The following ADAMTS9 variants were observed in gnomAD, a reference collection of about 807,000 sequenced individuals.
ADAMTS9 encodes A disintegrin and metalloproteinase with thrombospondin motifs 9.
In ADAMTS9, 107 loss-of-function variants were observed where a neutral mutation model predicts 257.1. The ratio of observed to expected loss-of-function variants is 0.42; its 90% CI spans 0.36 to 0.49. ADAMTS9 has a LOEUF of 0.49. Among genes scored for constraint, ADAMTS9 ranks in the 20% least tolerant of loss-of-function variants. ADAMTS9 has a pLI of 0.03. For missense variants in ADAMTS9, 2,353 were observed against 2,469.1 expected (o/e 0.95, Z 1.00); for synonymous variants, 982 against 880.9 (o/e 1.11, Z -2.03).
intron 29 of ADAMTS9, chr3:64,563,141 G>A (rs2083457069): frequency 6.6e-6 from 1 of 152,164 alleles, no homozygotes. Context: ...GTAATGGGAG[G>A]ATTCCTGAAC....
chr3:64,646,805 C>T (rs1700804083), intron 11 of ADAMTS9, among the ~76,000 whole-genome samples: 1 of 152,162 alleles, frequency 6.6e-6, no homozygotes, highest in African/African-American at 2.4e-5. Context: ...AGGGCCACTC[C>T]AGTAGGCCCT....
At chr3:64,551,923 G>A (rs1462027728) in intron 30 of ADAMTS9, among the ~76,000 whole-genome samples, 3 of 152,158 alleles carry the variant, frequency 2.0e-5, no homozygotes, top group South Asian at 4.1e-4. Flanking sequence ...TTCTCCAGGG[G>A]AACTGCTCTC....
intron 3 of ADAMTS9, among the ~76,000 whole-genome samples, chr3:64,669,494 T>A (rs1453035895): frequency 6.6e-6 from 1 of 152,174 alleles, no homozygotes; most frequent in Non-Finnish European, 1.5e-5. Context: ...TGGGCCTTGA[T>A]CCTCTTATCC....
chr3:64,657,211 T>C (rs893057545), intron 4 of ADAMTS9, among the ~76,000 whole-genome samples: 9 of 152,216 alleles, frequency 5.9e-5, no homozygotes, highest in Non-Finnish European at 1.2e-4. Context: ...AATTGAGGTA[T>C]GCTGAGAGTG....
At chr3:64,666,521 C>T (rs1428617528) in intron 3 of ADAMTS9, among the ~76,000 whole-genome samples, 1 of 152,102 alleles carries the variant, frequency 6.6e-6, no homozygotes, top group Non-Finnish European at 1.5e-5. Context: ...TGTGGTGTTC[C>T]ACTTGGATTC....
chr3:64,566,689 T>C (rs142730281), intron 29 of ADAMTS9, among the ~76,000 whole-genome samples: 4 of 152,264 alleles, frequency 2.6e-5, no homozygotes, highest in Middle Eastern at 3.4e-3. Flanking sequence ...ATGAGCATCA[T>C]TTATATGCTC....
intron 31 of ADAMTS9, among the ~76,000 whole-genome samples, chr3:64,549,482 C>T (rs1559758474): frequency 6.6e-6 from 1 of 152,156 alleles, no homozygotes; most frequent in Non-Finnish European, 1.5e-5. Flanking sequence ...CTATTCTGAA[C>T]ACTCATTTGG....
chr3:64,602,266 A>C (rs936530256), intron 25 of ADAMTS9, 53 bp from the exon 26 acceptor site: 32 of 1,584,576 alleles, frequency 2.0e-5, no homozygotes, highest in Middle Eastern at 2.2e-4. Context: ...GGAGGGGTTG[A>C]CAATTCCTGA....
intron 37 of ADAMTS9, among the ~76,000 whole-genome samples, chr3:64,534,011 A>T (rs1290131553): frequency 6.6e-6 from 1 of 152,150 alleles, no homozygotes; most frequent in African/African-American, 2.4e-5. Flanking sequence ...CTCTTTCAAA[A>T]ATGACTCGCA....
At chr3:64,561,448 C>A in intron 30 of ADAMTS9, 130 bp downstream of exon 30, 1 of 1,048,152 alleles carries the variant, frequency 9.5e-7, no homozygotes, top group Non-Finnish European at 1.3e-6. Context: ...TGACAGTGAA[C>A]CTTTTGGGAA....
chr3:64,669,779 T>G (rs754139320), intron 3 of ADAMTS9, among the ~76,000 whole-genome samples: 11 of 152,218 alleles, frequency 7.2e-5, no homozygotes, highest in Non-Finnish European at 1.5e-4. Context: ...TTTGCTGATG[T>G]TAAATTATAT....
intron 12 of ADAMTS9, among the ~76,000 whole-genome samples, chr3:64,637,673 CA>C (rs1450747362): frequency 3.9e-5 from 6 of 152,276 alleles, no homozygotes; most frequent in Non-Finnish European, 4.4e-5. Flanking sequence ...AGGGTTGGCA[CA>C]AGACATTTCT....
rs1412820623 is a variant in ADAMTS9, at chr3:64,541,904, G to T, written c.5131C>A (p.Pro1711Thr). Residue 1711 changes from proline to threonine, a missense_variant, in exon 33 of 40, where the codon CCC becomes ACC. By Grantham distance (38) the Pro-to-Thr change is conservative. Coordinates refer to ENST00000498707, the MANE Select transcript of ADAMTS9 (RefSeq NM_182920.2). ...AGATCAGTGTGGCATAAGTGGCTGG[G>T]TTGGTCCTCATTGGTTAAACATTGC... ...SVQCLTNEDQ[P>T]SHLCHTDLKP... 1 of 1,614,144 alleles carries T rather than the reference G, an allele frequency of 6.2e-7. No homozygotes were observed. Among genetic ancestry groups the T allele is most frequent in the Admixed American group, 1.7e-5 (1 of 60,034 alleles).
In ADAMTS9 at chr3:64,659,698, G is replaced by C. The variant is rs186811901; in HGVS notation, c.680-907C>G. Among the ~76,000 whole-genome samples the C allele has an allele frequency of 2.3e-3, 344 of 152,146 alleles. 4 individuals carry two copies. The highest frequency in any genetic ancestry group is 7.1e-3 in the Admixed American group (108 of 15,280). ...CTGAATTTTTAATTAACTTACTCCA[G>C]GGCTCAGTTAAGGAAATAAATTAAA... is the stretch of plus-strand genomic sequence containing the variant. On this transcript the variant is annotated intron_variant, in intron 3 of 39. Transcript: ENST00000498707.
chr3:64,586,682 A>G (rs990094009), intron 28 of ADAMTS9: 2 of 152,140 alleles, frequency 1.3e-5, no homozygotes, highest in Non-Finnish European at 2.9e-5. Flanking sequence ...TAGAGTAAAA[A>G]TGTAAATGAA....
At position 64,633,565 on chromosome 3, in the gene ADAMTS9, C is replaced by G. The variant is rs1700424213; in HGVS notation, c.2082G>C (p.Gly694=). 1 of 1,614,038 alleles carries G rather than the reference C, an allele frequency of 6.2e-7. No homozygotes were observed. The highest frequency in any genetic ancestry group is 8.5e-7 in the Non-Finnish European group (1 of 1,179,998). The change falls in exon 14 of 40, where the codon GGG becomes GGC. Residue 694 remains glycine, a synonymous_variant. Transcript: ENST00000498707. ...DRCKLFCRVA[G]NTAYYQLRDR... is the part of the protein sequence containing the mutation. ...CTCGAAGCTGATAGTAGGCTGTGTT[C>G]CCTGCCACTCTGCAGAACAACTTGC... is the stretch of plus-strand genomic sequence containing the variant.
At position 64,533,480 on chromosome 3, in the gene ADAMTS9, C is replaced by T. The variant is rs11717554; in HGVS notation, c.5614-210G>A. Among the ~76,000 whole-genome samples the T allele has an allele frequency of 0.65, 98,922 of 152,058 alleles. 36,405 individuals carry two copies. Among genetic ancestry groups the T allele is most frequent in the Non-Finnish European group, 0.85 (57,782 of 67,996 alleles). On this transcript the variant is annotated intron_variant, in intron 37 of 39. Coordinates refer to ENST00000498707, the MANE Select transcript of ADAMTS9 (RefSeq NM_182920.2). Reference sequence around the variant, plus strand: ...GTTAGTCATCCTCGAAAGAGCTCTACGAAGGAGGTTTTCTTTACAGATAGG... The same window carrying T: ...GTTAGTCATCCTCGAAAGAGCTCTATGAAGGAGGTTTTCTTTACAGATAGG...
chr3:64,614,423 A>G (rs2084722876), intron 21 of ADAMTS9, among the ~76,000 whole-genome samples: 1 of 152,244 alleles, frequency 6.6e-6, no homozygotes, highest in Non-Finnish European at 1.5e-5. Flanking sequence ...CATTAAGAGT[A>G]TCCTTTTCAG....
intron 3 of ADAMTS9, among the ~76,000 whole-genome samples, chr3:64,678,255 CCTAG>C (rs1701671468): frequency 1.3e-5 from 2 of 152,146 alleles, no homozygotes; most frequent in African/African-American, 4.8e-5. Context: ...AGATTGTTGG[CCTAG>C]ACAAGACTGC....
Sources: allele counts gnomAD v4.1 joint callset (sites outside exome capture counted in the v4.1 genomes callset), GRCh38; gene constraint gnomAD v4.1.1; transcripts MANE v1.5; gene names NCBI Gene and HGNC (gene_info 2026-07-23, HGNC 2026-07-21).